The following AGAP1 variants were observed in gnomAD, a reference collection of about 807,000 sequenced individuals.
AGAP1 encodes the protein arf-GAP with GTPase, ANK repeat and PH domain-containing protein 1.
Under a neutral mutation model 105.3 loss-of-function variants are expected in AGAP1, and 29 were observed. The ratio of observed to expected loss-of-function variants is 0.28; its 90% CI spans 0.21 to 0.38. The LOEUF is 0.38. Ranked by LOEUF, AGAP1 falls within the 10% of genes least tolerant of loss-of-function variation. The pLI is 1.00. For synonymous variants in AGAP1, 509 were observed against 485.9 expected, an observed-to-expected ratio of 1.05 and a Z score of -0.63; for missense variants, 998 against 1,165.1, an observed-to-expected ratio of 0.86 and a Z score of 2.09.
intron 6 of AGAP1, among the ~76,000 whole-genome samples, chr2:235,765,832 A>G (rs1954906953): frequency 3.9e-5 from 6 of 152,192 alleles, no homozygotes. Context: ...GTACTGGGAA[A>G]TACTCCCATG....
rs959819064 is a variant in AGAP1, at chr2:235,931,465, G to A, written c.1483+542G>A. 2.6e-5 allele frequency among the ~76,000 whole-genome samples: 4 copies of A among 151,890 alleles called. No homozygotes were observed. Among genetic ancestry groups the A allele is most frequent in the African/African-American group, 4.8e-5 (2 of 41,324 alleles). ...TATTATTATTATTATTTTGACAAGTGTATCCAGCTTTTTGGGGAATAAGCA... is the reference window on the plus strand; with the variant it reads ...TATTATTATTATTATTTTGACAAGTATATCCAGCTTTTTGGGGAATAAGCA... On this transcript the variant is annotated intron_variant, in intron 12 of 17. Transcript: ENST00000304032. The surrounding 1 kb of genome is among the most constrained non-coding windows in gnomAD (Gnocchi z 5.6).
In AGAP1 at chr2:235,608,528, C is replaced by A. The variant is rs13382523; in HGVS notation, c.164-100651C>A. Among the ~76,000 whole-genome samples, 47,029 of 151,944 alleles carry A rather than the reference C, an allele frequency of 0.31. 9,272 individuals carry two copies. Among genetic ancestry groups the A allele is most frequent in the African/African-American group, 0.56 (22,975 of 41,386 alleles). On this transcript the variant is annotated intron_variant, in intron 1 of 17. Transcript: ENST00000304032. This position sits in a 1 kb window ranked among gnomAD's most constrained non-coding sequence, Gnocchi z 5.4. ...CCTGGCCCAGCGTTGGGCTGGGACCCTCTGCCTCTCCCAGTGAGACCAACC... is the reference window on the plus strand; with the variant it reads ...CCTGGCCCAGCGTTGGGCTGGGACCATCTGCCTCTCCCAGTGAGACCAACC...
rs1433108590 is a variant in AGAP1 at position 235,737,411 on chromosome 2, TGA to T, written c.311-3547_311-3546del. ...TTAGGATTCGAAGAGACCTTGCTGA[TGA>T]GAGAAGGAATCACTGCTCCTTTTAG... On this transcript the variant is annotated intron_variant, in intron 3 of 17. Transcript: ENST00000304032. The surrounding 1 kb of genome is among the most constrained non-coding windows in gnomAD (Gnocchi z 4.5). Among the ~76,000 whole-genome samples, 2 of 152,162 alleles carry T rather than the reference TGA, an allele frequency of 1.3e-5. No individual in the cohort carries two copies. The highest frequency in any genetic ancestry group is 2.1e-4 in the South Asian group (1 of 4,828).
chr2:235,868,579 C>G (rs1247377639), intron 9 of AGAP1, among the ~76,000 whole-genome samples: 2 of 152,160 alleles, frequency 1.3e-5, no homozygotes, highest in Non-Finnish European at 2.9e-5. Flanking sequence ...GAGGCCGGCA[C>G]CATTTGGTCC....
At chr2:235,592,704 TGGG>T (rs1945389716) in intron 1 of AGAP1, among the ~76,000 whole-genome samples, 2 of 152,206 alleles carry the variant, frequency 1.3e-5, no homozygotes, top group East Asian at 3.9e-4. Context: ...CATGGAGATA[TGGG>T]CGCATCTTAG....
intron 9 of AGAP1, among the ~76,000 whole-genome samples, chr2:235,868,899 A>G (rs1389409667): frequency 6.6e-6 from 1 of 152,210 alleles, no homozygotes; most frequent in Non-Finnish European, 1.5e-5. Flanking sequence ...CCAAAAGACA[A>G]TTCTACTCTT....
Position 235,615,034 on chromosome 2 carries a change from G to A in AGAP1, c.164-94145G>A, listed in dbSNP as rs529897403. Among the ~76,000 whole-genome samples, 3 of 152,278 alleles carry A rather than the reference G, an allele frequency of 2.0e-5. No homozygotes were observed. The highest frequency in any genetic ancestry group is 7.2e-5 in the African/African-American group (3 of 41,552). Reference sequence around the variant, plus strand: ...AGGTGAGTGGTTTTCCTGGCGGTGTGGTTTTTTAAAATTTCTAATAAAATG... The same window carrying A: ...AGGTGAGTGGTTTTCCTGGCGGTGTAGTTTTTTAAAATTTCTAATAAAATG... On this transcript the variant is annotated intron_variant, in intron 1 of 17. Transcript: ENST00000304032. This position sits in a 1 kb window ranked among gnomAD's most constrained non-coding sequence, Gnocchi z 5.0.
intron 13 of AGAP1, among the ~76,000 whole-genome samples, chr2:236,021,165 C>CAAA (rs1226322235): frequency 9.2e-5 from 7 of 76,242 alleles, no homozygotes; most frequent in Admixed American, 3.2e-4. Context: ...GATTCTGTCT[C>CAAA]AAAAAAAAAA....
intron 11 of AGAP1, among the ~76,000 whole-genome samples, chr2:235,928,117 T>C (rs2125137638): frequency 6.6e-6 from 1 of 152,348 alleles, no homozygotes; most frequent in East Asian, 1.9e-4. Context: ...CACCCCCAGC[T>C]GCTTGCAGGC....
intron 9 of AGAP1, among the ~76,000 whole-genome samples, chr2:235,834,192 A>G (rs1474517487): frequency 6.6e-6 from 1 of 152,112 alleles, no homozygotes; most frequent in Non-Finnish European, 1.5e-5. Flanking sequence ...GCCTTGTGGG[A>G]GAAAAGTTCC....
At chr2:235,646,830 C>G (rs1947402811) in intron 1 of AGAP1, among the ~76,000 whole-genome samples, 1 of 152,176 alleles carries the variant, frequency 6.6e-6, no homozygotes, top group Non-Finnish European at 1.5e-5. Context: ...CAAGCTTGTC[C>G]ATATCACAGA....
intron 13 of AGAP1, among the ~76,000 whole-genome samples, chr2:236,022,557 G>A (rs975335365): frequency 6.6e-6 from 1 of 152,132 alleles, no homozygotes; most frequent in Non-Finnish European, 1.5e-5. Flanking sequence ...TTTTTGGACA[G>A]AGAGTCTCAC....
At position 235,566,184 on chromosome 2, in the gene AGAP1, C is replaced by T. The variant is rs1944340871; in HGVS notation, c.163+71335C>T. Among the ~76,000 whole-genome samples, 1 of 152,040 alleles carries T rather than the reference C, an allele frequency of 6.6e-6. No individual in the cohort carries two copies. The highest frequency in any genetic ancestry group is 1.5e-5 in the Non-Finnish European group (1 of 68,018). On this transcript the variant is annotated intron_variant, in intron 1 of 17. Transcript: ENST00000304032. This position sits in a 1 kb window ranked among gnomAD's most constrained non-coding sequence, Gnocchi z 5.2. The stretch of plus-strand genomic sequence containing the variant: ...TCGGCTCACTGCAACCTCTGCCTCC[C>T]GGATTCAAGTGATTCTGCTCCCTCA...
In AGAP1 at chr2:235,701,300, C is replaced by CAA. The variant is rs1237183001; in HGVS notation, c.164-7877_164-7876dup. Among the ~76,000 whole-genome samples, 4 of 152,142 alleles carry CAA rather than the reference C, an allele frequency of 2.6e-5. No homozygotes were observed. The East Asian group carries it at 7.7e-4, about 29-fold the overall frequency. On this transcript the variant is annotated intron_variant, in intron 1 of 17. Coordinates refer to ENST00000304032, the MANE Select transcript of AGAP1 (RefSeq NM_001037131.3). This position sits in a 1 kb window ranked among gnomAD's most constrained non-coding sequence, Gnocchi z 4.1. ...TAGAGGAGAAGAGAGAGGACCCAGT[C>CAA]AAATGCTGACGTTGTTGTGACAGAT...
chr2:236,041,606 A>C (rs2057551396), intron 15 of AGAP1, among the ~76,000 whole-genome samples: 1 of 152,220 alleles, frequency 6.6e-6, no homozygotes, highest in Non-Finnish European at 1.5e-5. Flanking sequence ...CAGAGACAGT[A>C]TTGGAGACAT....
chr2:235,860,609 C>A (rs1187677077), intron 9 of AGAP1, among the ~76,000 whole-genome samples: 1 of 152,146 alleles, frequency 6.6e-6, no homozygotes, highest in African/African-American at 2.4e-5. Flanking sequence ...CCAAACAGCT[C>A]ACAATTAAAG....
chr2:235,758,247 A>G (rs992561703), intron 6 of AGAP1, among the ~76,000 whole-genome samples: 10 of 152,162 alleles, frequency 6.6e-5, no homozygotes, highest in African/African-American at 2.4e-4. Context: ...GGCACTTGAT[A>G]TATGTTGAAA....
rs867017633 is a variant in AGAP1, at chr2:235,958,337, T to C, written c.1484-10125T>C. ...CTGACCCGGGAGAGGATTAGGGCCC[T>C]GCTAACGGCAGCAGTAACAGCGGGA... On this transcript the variant is annotated intron_variant, in intron 12 of 17. Transcript: ENST00000304032. This position sits in a 1 kb window ranked among gnomAD's most constrained non-coding sequence, Gnocchi z 4.1. Among the ~76,000 whole-genome samples the C allele has an allele frequency of 9.9e-5, 15 of 152,056 alleles. No homozygotes were observed. Among genetic ancestry groups the C allele is most frequent in the Middle Eastern group, 3.2e-3 (1 of 316 alleles).
chr2:235,974,856 CATGGGAGACGTTGAGA>C (rs1386502846), intron 13 of AGAP1, among the ~76,000 whole-genome samples: 1 of 152,198 alleles, frequency 6.6e-6, no homozygotes, highest in Non-Finnish European at 1.5e-5. Context: ...TGCTTGCCTC[CATGGGAGACGTTGAGA>C]AATAAAACTC....
Sources: gnomAD v4.1 joint callset for allele counts (sites outside exome capture counted in the v4.1 genomes callset) on GRCh38, gnomAD v4.1.1 for gene constraint, Gnocchi (gnomAD v3.1) non-coding constraint, MANE v1.5 for transcripts, NCBI Gene and HGNC (gene_info 2026-07-23, HGNC 2026-07-21) for gene names.